PCOLCE2: variants seen among roughly 807,000 people sequenced by gnomAD.
PCOLCE2 encodes the protein procollagen C-endopeptidase enhancer 2, also known as procollagen C-proteinase enhancer 2.
PCOLCE2 carries 42 observed loss-of-function variants against 47.0 expected under a neutral mutation model. The observed-to-expected ratio is 0.89, with a 90% CI of 0.70 to 1.16. The LOEUF (loss-of-function observed/expected upper bound fraction) is 1.16, where lower values mean the gene tolerates loss of function less well. Among genes scored for constraint, PCOLCE2 ranks in the 50% most tolerant of loss-of-function variants. PCOLCE2 has a pLI of 0.00. For synonymous variants in PCOLCE2, 169 were observed against 191.7 expected (o/e 0.88, Z 0.98); for missense variants, 500 against 526.1 (o/e 0.95, Z 0.49).
intron 2 of PCOLCE2, chr3:142,864,053 G>A (rs1255244388): frequency 1.3e-5 from 2 of 152,148 alleles, no homozygotes; most frequent in Non-Finnish European, 2.9e-5. Context: ...GAAGACTGGG[G>A]AGCGTCTCAG....
At chr3:142,873,245 T>C (rs918210031) in intron 2 of PCOLCE2, among the ~76,000 whole-genome samples, 15 of 151,902 alleles carry the variant, frequency 9.9e-5, no homozygotes, top group African/African-American at 3.6e-4. Context: ...AATAAAAAAT[T>C]AGCCAAGTGT....
In PCOLCE2 at chr3:142,842,082, A is replaced by G. The variant is rs1937269122; in HGVS notation, c.573+842T>C. On this transcript the variant is annotated intron_variant, in intron 4 of 8. Transcript: ENST00000295992. This position sits in a 1 kb window ranked among gnomAD's most constrained non-coding sequence, Gnocchi z 4.1. ...GAAGCTTTTTGTGGGGAACCTGCACATATTTTATTTTAAATGACAACCAAA... is the reference window on the plus strand; with the variant it reads ...GAAGCTTTTTGTGGGGAACCTGCACGTATTTTATTTTAAATGACAACCAAA... 6.6e-6 allele frequency among the ~76,000 whole-genome samples: 1 copy of G among 152,240 alleles called. No homozygotes were observed. Among genetic ancestry groups the G allele is most frequent in the Non-Finnish European group, 1.5e-5 (1 of 68,032 alleles).
chr3:142,868,413 C>A (rs1933324026), intron 2 of PCOLCE2, among the ~76,000 whole-genome samples: 1 of 152,190 alleles, frequency 6.6e-6, no homozygotes, highest in Non-Finnish European at 1.5e-5. Flanking sequence ...TTCTAAATTT[C>A]TCTTCAAAGA....
chr3:142,825,042 T>C (rs748334707), intron 6 of PCOLCE2, among the ~76,000 whole-genome samples: 2 of 152,162 alleles, frequency 1.3e-5, no homozygotes, highest in African/African-American at 2.4e-5. Flanking sequence ...AGCTTAAATA[T>C]GCATTTTTAA....
chr3:142,842,078 GCA>G lies in PCOLCE2; in HGVS notation c.573+844_573+845del, dbSNP rs754764825. On this transcript the variant is annotated intron_variant, in intron 4 of 8. Transcript: ENST00000295992. The surrounding 1 kb of genome is among the most constrained non-coding windows in gnomAD (Gnocchi z 4.1). ...GAATGAAGCTTTTTGTGGGGAACCT[GCA>G]CATATTTTATTTTAAATGACAACCA... Among the ~76,000 whole-genome samples, 14 of 152,204 alleles carry G rather than the reference GCA, an allele frequency of 9.2e-5. No homozygotes were observed. Among genetic ancestry groups the G allele is most frequent in the Admixed American group, 2.6e-4 (4 of 15,276 alleles).
At chr3:142,832,024 T>C (rs879846206) in intron 5 of PCOLCE2, among the ~76,000 whole-genome samples, 1 of 152,248 alleles carries the variant, frequency 6.6e-6, no homozygotes, top group Non-Finnish European at 1.5e-5. Flanking sequence ...CCACTCTGCA[T>C]TGGCAAATCC....
chr3:142,820,975 GTTGATGA>G lies in PCOLCE2; in HGVS notation c.1013_1019del (p.Ile338ThrfsTer17). ...TCGCCAAATTTCCCTCTTTGTAGAT[GTTGATGA>G]TCGAGACTGTGGCGTGCAAACTCCC... On this transcript the variant is annotated frameshift_variant, in exon 8 of 9. Coordinates refer to ENST00000295992, the MANE Select transcript of PCOLCE2 (RefSeq NM_013363.4). LOFTEE classifies it high-confidence loss of function. 1 of 1,613,988 alleles carries G rather than the reference GTTGATGA, an allele frequency of 6.2e-7. No homozygotes were observed. The highest frequency in any genetic ancestry group is 8.5e-7 in the Non-Finnish European group (1 of 1,179,900).
chr3:142,885,901 T>G (rs1037685713), intron 2 of PCOLCE2, among the ~76,000 whole-genome samples: 4 of 152,168 alleles, frequency 2.6e-5, no homozygotes, highest in Non-Finnish European at 5.9e-5. Context: ...GCTCATTCCA[T>G]TCCAGCCACT....
chr3:142,825,707 C>T (rs949477541), intron 6 of PCOLCE2, among the ~76,000 whole-genome samples: 1 of 152,156 alleles, frequency 6.6e-6, no homozygotes, highest in African/African-American at 2.4e-5. Context: ...TCAGCCCTGG[C>T]CTGTCTTTAC....
At chr3:142,881,886 T>C (rs1933628886) in intron 2 of PCOLCE2, among the ~76,000 whole-genome samples, 1 of 152,202 alleles carries the variant, frequency 6.6e-6, no homozygotes, top group South Asian at 2.1e-4. Context: ...ACTTACGCTT[T>C]TTTCTTCATG....
chr3:142,825,114 G>C (rs987694729), intron 6 of PCOLCE2, among the ~76,000 whole-genome samples: 2 of 152,190 alleles, frequency 1.3e-5, no homozygotes, highest in Admixed American at 1.3e-4. Flanking sequence ...TGTTCCAGAA[G>C]TTGGGAACCT....
chr3:142,881,412 T>C (rs1578052509), intron 2 of PCOLCE2, among the ~76,000 whole-genome samples: 1 of 152,214 alleles, frequency 6.6e-6, no homozygotes, highest in Non-Finnish European at 1.5e-5. Context: ...TATATACTAT[T>C]ATTATTTTTA....
intron 5 of PCOLCE2, among the ~76,000 whole-genome samples, chr3:142,837,431 A>C (rs1166238060): frequency 3.3e-5 from 5 of 150,110 alleles, no homozygotes; most frequent in Non-Finnish European, 7.4e-5. Flanking sequence ...TATAACTACT[A>C]TCTTGTATGT....
At chr3:142,885,769 G>C (rs987772102) in intron 2 of PCOLCE2, among the ~76,000 whole-genome samples, 2 of 152,150 alleles carry the variant, frequency 1.3e-5, no homozygotes, top group Admixed American at 1.3e-4. Context: ...GCAGACACCA[G>C]ATAAGCTCAT....
chr3:142,851,901 C>T (rs951681293), intron 2 of PCOLCE2, among the ~76,000 whole-genome samples: 1 of 152,182 alleles, frequency 6.6e-6, no homozygotes, highest in Non-Finnish European at 1.5e-5. Flanking sequence ...AAATTAACTA[C>T]AGGACTTGGA....
chr3:142,854,751 TCACCTTAATTATAGTTCA>T, intron 2 of PCOLCE2, among the ~76,000 whole-genome samples: 1 of 152,304 alleles, frequency 6.6e-6, no homozygotes, highest in Admixed American at 6.5e-5. Context: ...AATAAAATCT[TCACCTTAATTATAGTTCA>T]CACACTTAGT....
rs561894273 is a variant in PCOLCE2 at position 142,863,455 on chromosome 3, C to G, written c.193-14983G>C. Among the ~76,000 whole-genome samples, 6 of 152,304 alleles carry G rather than the reference C, an allele frequency of 3.9e-5. No homozygotes were observed. In the South Asian group the frequency reaches 1.2e-3, roughly 32 times the overall value. ...TGATGGTTTCAGGGGAAAAACATTT[C>G]AAAAGGTCCAGTTCTCTCAGGAAAG... On this transcript the variant is annotated intron_variant, in intron 2 of 8. Transcript: ENST00000295992.
At chr3:142,865,393 T>A (rs1036349604) in intron 2 of PCOLCE2, among the ~76,000 whole-genome samples, 3 of 152,176 alleles carry the variant, frequency 2.0e-5, no homozygotes, top group Non-Finnish European at 4.4e-5. Flanking sequence ...TAACTTGTAA[T>A]AAAGATGAAC....
At chr3:142,823,511 A>C in intron 7 of PCOLCE2, 21 bp downstream of exon 7, 1 of 1,455,876 alleles carries the variant, frequency 6.9e-7, no homozygotes, top group Non-Finnish European at 9.6e-7. Context: ...AAAGAGAAAA[A>C]GACTGGCTTT....
Sources: allele counts gnomAD v4.1 joint callset (sites outside exome capture counted in the v4.1 genomes callset), GRCh38; gene constraint gnomAD v4.1.1; non-coding constraint Gnocchi (gnomAD v3.1); transcripts MANE v1.5; gene names NCBI Gene and HGNC (gene_info 2026-07-23, HGNC 2026-07-21).